The following NPFFR2 variants were observed in gnomAD, a reference collection of about 807,000 sequenced individuals.
The protein encoded by NPFFR2 is G-protein coupled receptor 74.
A neutral mutation model predicts 13.1 loss-of-function variants in NPFFR2; 15 were observed. The ratio of observed to expected loss-of-function variants is 1.15; its 90% CI spans 0.77 to 1.76. NPFFR2 has a LOEUF of 1.76. Among genes scored for constraint, NPFFR2 ranks in the 40% most tolerant of loss-of-function variants. NPFFR2 has a pLI of 0.00. For synonymous variants in NPFFR2, 190 were observed against 175.7 expected (o/e 1.08, Z -0.65); for missense variants, 572 against 503.5 (o/e 1.14, Z -1.30).
chr4:72,099,117 G>A (rs886071655), intron 1 of NPFFR2, among the ~76,000 whole-genome samples: 2 of 152,134 alleles, frequency 1.3e-5, no homozygotes, highest in African/African-American at 2.4e-5. Flanking sequence ...ACTCCAAGAT[G>A]TTTTCCTGAC....
chr4:72,041,007 T>G (rs1719200013), intron 1 of NPFFR2, among the ~76,000 whole-genome samples: 1 of 151,898 alleles, frequency 6.6e-6, no homozygotes, highest in Non-Finnish European at 1.5e-5. Flanking sequence ...AATTTTTAAC[T>G]TATTTTATAT....
chr4:72,135,468 TG>T (rs1431259616), intron 2 of NPFFR2, among the ~76,000 whole-genome samples: 1 of 152,102 alleles, frequency 6.6e-6, no homozygotes, highest in African/African-American at 2.4e-5. Flanking sequence ...TTTCAAGGAT[TG>T]TCTCAACTTT....
chr4:72,033,042 A>G (rs1718966342), intron 1 of NPFFR2, among the ~76,000 whole-genome samples: 1 of 152,206 alleles, frequency 6.6e-6, no homozygotes, highest in Admixed American at 6.5e-5. Context: ...TTTTAAACAT[A>G]TGTCTAAATT....
In NPFFR2 at chr4:72,070,653, C is replaced by T. The variant is rs925701658; in HGVS notation, c.-8+38453C>T. Among the ~76,000 whole-genome samples the T allele has an allele frequency of 1.9e-4, 29 of 151,018 alleles. No homozygotes were observed. The Middle Eastern group carries it at 0.014, about 73-fold the overall frequency. ...TAGTTATTTTATCAGACACAAATGC[C>T]TGAGGACCCTCCCCTCATGGCCTTC... On this transcript the variant is annotated intron_variant, in intron 1 of 3. Transcript: ENST00000308744.
Position 72,077,985 on chromosome 4 carries a change from G to A in NPFFR2, c.-8+45785G>A, listed in dbSNP as rs1481098164. ...ATGTGTGTAGTGGTTGTGTGGTGGT[G>A]TCATTTCCTTTTTTTGTTTGCCAGA... On this transcript the variant is annotated intron_variant, in intron 1 of 3. Transcript: ENST00000308744. Among the ~76,000 whole-genome samples, 6 of 152,046 alleles carry A rather than the reference G, an allele frequency of 3.9e-5. No homozygotes were observed. In the East Asian group the frequency reaches 9.6e-4, roughly 24 times the overall value.
At chr4:72,040,460 A>G (rs1719177039) in intron 1 of NPFFR2, among the ~76,000 whole-genome samples, 2 of 152,140 alleles carry the variant, frequency 1.3e-5, no homozygotes, top group African/African-American at 4.8e-5. Flanking sequence ...CTATATTTGT[A>G]TCCTTGATTC....
chr4:72,035,278 G>A (rs191683429), intron 1 of NPFFR2, among the ~76,000 whole-genome samples: 12 of 152,316 alleles, frequency 7.9e-5, no homozygotes, highest in East Asian at 1.9e-4. Flanking sequence ...CATAGAAGAC[G>A]CACAAGAATG....
chr4:72,113,066 A>C (rs1231011864), intron 1 of NPFFR2, among the ~76,000 whole-genome samples: 1 of 152,028 alleles, frequency 6.6e-6, no homozygotes. Context: ...TTTACACAGA[A>C]TATCCTTGGG....
chr4:72,086,637 A>C (rs1052446207), intron 1 of NPFFR2, among the ~76,000 whole-genome samples: 6 of 152,254 alleles, frequency 3.9e-5, no homozygotes, highest in African/African-American at 1.2e-4. Context: ...TTAACAGAGA[A>C]AAAAGTTGAA....
At chr4:72,060,616 G>A (rs4694457) in intron 1 of NPFFR2, among the ~76,000 whole-genome samples, 135,683 of 152,148 alleles carry the variant, frequency 0.89, 61,595 homozygotes, top group Non-Finnish European at 0.98. Flanking sequence ...TTCCAGTTGC[G>A]TAAAACAGTA....
At chr4:72,115,948 G>T (rs989578951) in intron 1 of NPFFR2, among the ~76,000 whole-genome samples, 26 of 152,110 alleles carry the variant, frequency 1.7e-4, no homozygotes, top group African/African-American at 6.3e-4. Flanking sequence ...CTCTTGGATT[G>T]TATGGGCAAT....
chr4:72,060,770 T>A (rs1032554216), intron 1 of NPFFR2, among the ~76,000 whole-genome samples: 2 of 152,102 alleles, frequency 1.3e-5, no homozygotes, highest in Non-Finnish European at 2.9e-5. Context: ...TGAGTCCCCT[T>A]CATCATCACT....
At chr4:72,112,801 C>T (rs903462816) in intron 1 of NPFFR2, among the ~76,000 whole-genome samples, 1 of 151,788 alleles carries the variant, frequency 6.6e-6, no homozygotes, top group Non-Finnish European at 1.5e-5. Flanking sequence ...TAGGAAATTA[C>T]CTATCTCACA....
intron 1 of NPFFR2, among the ~76,000 whole-genome samples, chr4:72,063,974 TA>T (rs1176341257): frequency 6.6e-6 from 1 of 152,124 alleles, no homozygotes; most frequent in Non-Finnish European, 1.5e-5. Context: ...GTTTATAGTT[TA>T]CCATTTAGGA....
At chr4:72,121,965 TAA>T (rs1721895435) in intron 1 of NPFFR2, among the ~76,000 whole-genome samples, 1 of 151,852 alleles carries the variant, frequency 6.6e-6, no homozygotes, top group Non-Finnish European at 1.5e-5. Flanking sequence ...GCAAATCGGA[TAA>T]AGAGTCAAAA....
chr4:72,120,471 C>T (rs370531569), intron 1 of NPFFR2, among the ~76,000 whole-genome samples: 2 of 152,206 alleles, frequency 1.3e-5, no homozygotes, highest in African/African-American at 4.8e-5. Context: ...GAGACACCTC[C>T]CAGCAAGGGT....
intron 1 of NPFFR2, among the ~76,000 whole-genome samples, chr4:72,079,053 AACACACACACAC>A (rs59522916): frequency 7.2e-6 from 1 of 139,216 alleles, no homozygotes; most frequent in South Asian, 2.3e-4. Flanking sequence ...CATAGAACTA[AACACACACACAC>A]ACACACACAC....
At chr4:72,101,910 C>T (rs116453197) in intron 1 of NPFFR2, among the ~76,000 whole-genome samples, 2,715 of 151,944 alleles carry the variant, frequency 0.018, 87 homozygotes, top group African/African-American at 0.062. Context: ...AATAAACATA[C>T]AAATATTGAA....
chr4:72,103,964 A>T (rs1721333222), intron 1 of NPFFR2, among the ~76,000 whole-genome samples: 1 of 152,014 alleles, frequency 6.6e-6, no homozygotes, highest in Admixed American at 6.6e-5. Flanking sequence ...AAAATCAGTG[A>T]TTATTTCAAA....
Sources: gnomAD v4.1 joint callset for allele counts (sites outside exome capture counted in the v4.1 genomes callset) on GRCh38, gnomAD v4.1.1 for gene constraint, MANE v1.5 for transcripts, NCBI Gene and HGNC (gene_info 2026-07-23, HGNC 2026-07-21) for gene names.